Variants in ZNF254 observed in about 807,000 individuals in gnomAD.
ZNF254 encodes the protein CTD-2017D11.1.
A neutral mutation model predicts 12.4 loss-of-function variants in ZNF254; 10 were observed. That is an observed-to-expected ratio of 0.80 (90% CI 0.50 to 1.36). ZNF254 has a LOEUF of 1.36. Among genes scored for constraint, ZNF254 ranks in the 40% most tolerant of loss-of-function variants. The pLI, the probability that ZNF254 is intolerant of heterozygous loss-of-function variation, is 0.00. For synonymous variants in ZNF254, 305 were observed against 253.4 expected (o/e 1.20, Z -1.93); for missense variants, 996 against 763.9 (o/e 1.30, Z -3.58).
At chr19:24,116,994 G>C (rs1331531157) in intron 3 of ZNF254, among the ~76,000 whole-genome samples, 1 of 152,104 alleles carries the variant, frequency 6.6e-6, no homozygotes, top group African/African-American at 2.4e-5. Context: ...CAGCAGCAGT[G>C]GCTGCAGAAC....
At chr19:24,045,214 C>A (rs1253800200) in intron 1 of ZNF254, among the ~76,000 whole-genome samples, 1 of 152,152 alleles carries the variant, frequency 6.6e-6, no homozygotes, top group East Asian at 1.9e-4. Context: ...GCTCAAAGCC[C>A]CTGCGTTTAT....
chr19:24,107,100 C>T, intron 3 of ZNF254: 1 of 472,022 alleles, frequency 2.1e-6, no homozygotes, highest in East Asian at 3.5e-5. Context: ...GTTTTCATTA[C>T]TGTAGTCTTG....
chr19:24,055,232 A>ACAAAAAAAAAAAAAAAAAAAG (rs1555753129), intron 2 of ZNF254, among the ~76,000 whole-genome samples: 1 of 122,542 alleles, frequency 8.2e-6, no homozygotes. Flanking sequence ...AAAAAAAAAA[A>ACAAAAAAAAAAAAAAAAAAAG]GAGTGTACTA....
chr19:24,085,220 C>T (rs1439192292), upstream of ZNF254, among the ~76,000 whole-genome samples: 1 of 151,590 alleles, frequency 6.6e-6, no homozygotes, highest in African/African-American at 2.4e-5. Context: ...GCGTGAGCCA[C>T]TGCACCCAGC....
At chr19:24,040,830 G>A (rs1970127311) in intron 1 of ZNF254, among the ~76,000 whole-genome samples, 1 of 152,216 alleles carries the variant, frequency 6.6e-6, no homozygotes, top group South Asian at 2.1e-4. Context: ...CTGAGACAGT[G>A]ACTTGTGGTC....
chr19:24,109,333 TAC>T (rs1408218094), intron 3 of ZNF254, among the ~76,000 whole-genome samples: 4 of 152,226 alleles, frequency 2.6e-5, no homozygotes, highest in Non-Finnish European at 5.9e-5. Flanking sequence ...AATGCACAGT[TAC>T]AGTCAAACAT....
At chr19:24,085,686 C>T (rs1042378408), upstream of ZNF254, among the ~76,000 whole-genome samples, 1 of 151,386 alleles carries the variant, frequency 6.6e-6, no homozygotes, top group Non-Finnish European at 1.5e-5. Context: ...GCTGGAGAAT[C>T]GCTTGAACTT....
rs1972539611 is a variant in ZNF254 at position 24,094,021 on chromosome 19, CT to C, written c.30+6689del. 2.0e-5 allele frequency among the ~76,000 whole-genome samples: 3 copies of C among 152,122 alleles called. No individual in the cohort carries two copies. In the South Asian group the frequency reaches 6.2e-4, roughly 32 times the overall value. ...TCCTGGTATTCGTAGATATTTTATT[CT>C]TTTTGTGGCAGTTGTGAAGGGATTG... On this transcript the variant is annotated intron_variant, in intron 1 of 3. Transcript: ENST00000357002.
rs1973696202 is a variant in ZNF254 at position 24,111,739 on chromosome 19, C to T, written c.253+5096C>T. 5.3e-5 allele frequency among the ~76,000 whole-genome samples: 8 copies of T among 152,138 alleles called. No homozygotes were observed. The South Asian group carries it at 1.7e-3, about 32-fold the overall frequency. On this transcript the variant is annotated intron_variant, in intron 3 of 3. Coordinates refer to ENST00000357002, the MANE Select transcript of ZNF254 (RefSeq NM_203282.4). ...CATTTTTTCATGTGTTTTTTGGCTG[C>T]ATAAATGTCTTCTTTTGAGAAGTGT... is the stretch of plus-strand genomic sequence containing the variant.
intron 2 of ZNF254, among the ~76,000 whole-genome samples, chr19:24,059,958 ACTCTT>A (rs1971007177): frequency 6.6e-6 from 1 of 151,584 alleles, no homozygotes; most frequent in African/African-American, 2.4e-5. Context: ...GAAAGATGTG[ACTCTT>A]CTCTTCTACC....
At chr19:24,083,307 G>T (rs181667779), upstream of ZNF254, among the ~76,000 whole-genome samples, 2 of 152,188 alleles carry the variant, frequency 1.3e-5, no homozygotes, top group South Asian at 2.1e-4. Context: ...TGTCTGAAAG[G>T]TATCATAGAT....
intron 1 of ZNF254, among the ~76,000 whole-genome samples, chr19:24,043,219 T>C (rs1450410404): frequency 6.6e-6 from 1 of 152,100 alleles, no homozygotes. Context: ...AGCTAATATG[T>C]CATCTTAAAA....
chr19:24,046,640 A>G (rs1359676027), intron 2 of ZNF254, among the ~76,000 whole-genome samples: 1 of 152,004 alleles, frequency 6.6e-6, no homozygotes, highest in Non-Finnish European at 1.5e-5. Context: ...GGATTCAAAC[A>G]ATGAAACCAT....
At chr19:24,106,498 G>C (rs2145814091) in intron 2 of ZNF254, 50 bp from the exon 3 acceptor site, 1 of 1,444,794 alleles carries the variant, frequency 6.9e-7, no homozygotes, top group African/African-American at 1.4e-5. Flanking sequence ...TACTAAGTTG[G>C]TAATTGGAGA....
At chr19:24,042,086 G>A (rs1384278793) in intron 1 of ZNF254, among the ~76,000 whole-genome samples, 3 of 122,002 alleles carry the variant, frequency 2.5e-5, no homozygotes, top group Non-Finnish European at 5.4e-5. Flanking sequence ...TCGGCACTCT[G>A]TATCTAGCTC....
At chr19:24,041,560 G>C (rs1248790736) in intron 1 of ZNF254, among the ~76,000 whole-genome samples, 1 of 152,262 alleles carries the variant, frequency 6.6e-6, no homozygotes, top group African/African-American at 2.4e-5. Flanking sequence ...GCGGGGCAGG[G>C]CTCGGGACCT....
At chr19:24,050,029 G>A (rs777875675) in intron 2 of ZNF254, among the ~76,000 whole-genome samples, 1 of 152,042 alleles carries the variant, frequency 6.6e-6, no homozygotes, top group Non-Finnish European at 1.5e-5. Flanking sequence ...CTCAGCAGGT[G>A]TGGTGATATA....
intron 2 of ZNF254, among the ~76,000 whole-genome samples, chr19:24,081,982 G>T (rs1019229336): frequency 2.6e-5 from 4 of 152,066 alleles, no homozygotes; most frequent in Non-Finnish European, 5.9e-5. Context: ...AATTAGCTGG[G>T]TGTGGTGGTG....
rs141167913 is a variant in ZNF254 at position 24,035,308 on chromosome 19, C to T, written c.-190+1687C>T. On this transcript the variant is annotated intron_variant, in intron 1 of 4. Coordinates refer to the ZNF254 transcript ENST00000613065. ...CCTCTCAGGTAGCTGGGATTACAGG[C>T]GCACCACCATGCCTGGCTAATGTTT... Among the ~76,000 whole-genome samples, 11 of 152,226 alleles carry T rather than the reference C, an allele frequency of 7.2e-5. No individual in the cohort carries two copies. In the East Asian group the frequency reaches 1.5e-3, roughly 21 times the overall value.
Sources: allele counts gnomAD v4.1 joint callset (sites outside exome capture counted in the v4.1 genomes callset), GRCh38; gene constraint gnomAD v4.1.1; transcripts MANE v1.5; gene names NCBI Gene and HGNC (gene_info 2026-07-23, HGNC 2026-07-21).